ZNF181: variants seen among roughly 807,000 people sequenced by gnomAD.
The protein encoded by ZNF181 is zinc finger protein 181.
Under a neutral mutation model 11.9 loss-of-function variants are expected in ZNF181, and 8 were observed. The observed-to-expected ratio is 0.67, with a 90% confidence interval of 0.39 to 1.21. The LOEUF is 1.21. ZNF181 is among the 50% of genes most tolerant of loss of function. The probability of loss-of-function intolerance (pLI) is 0.01; values close to 1 mark genes in which losing one functional copy is unlikely to be tolerated. For missense variants in ZNF181, 542 were observed against 670.9 expected (o/e 0.81, Z 2.12); for synonymous variants, 202 against 221.1 (o/e 0.91, Z 0.77).
At position 34,740,774 on chromosome 19, in the gene ZNF181, T is replaced by C. The variant is rs147439895; in HGVS notation, c.393T>C (p.His131=). The stretch of plus-strand genomic sequence containing the variant: ...ATATAGAGAAGTTGGAAGGGAAGCA[T>C]GGAAGTCAGGTAGACCATTTCAGAC... The part of the protein sequence containing the change: ...LEYIEKLEGK[H]GSQVDHFRPA... Residue 131 remains histidine, a synonymous_variant, in exon 4 of 4, where the codon CAT becomes CAC. Coordinates refer to ENST00000492450, the MANE Select transcript of ZNF181 (RefSeq NM_001029997.4). The C allele has an allele frequency of 6.8e-6, 11 of 1,613,900 alleles. No individual in the cohort carries two copies. Among genetic ancestry groups the C allele is most frequent in the African/African-American group, 6.7e-5 (5 of 74,910 alleles).
chr19:34,739,328 G>A, intron 2 of ZNF181, 60 bp downstream of exon 2: 2 of 1,604,906 alleles, frequency 1.2e-6, no homozygotes, highest in Non-Finnish European at 8.5e-7. Context: ...ACCCTGAATT[G>A]CTGGAGACCC....
Position 34,741,095 on chromosome 19 carries a change from A to G in ZNF181, c.714A>G (p.Thr238=), listed in dbSNP as rs1367595105. 5 of 1,614,048 alleles carry G rather than the reference A, an allele frequency of 3.1e-6. No homozygotes were observed. The highest frequency in any genetic ancestry group is 4.2e-6 in the Non-Finnish European group (5 of 1,179,976). ...CTTGTAATAGAGAGAAAATCTATAC[A>G]TGCAGTGAATGTGGGAAAGCCTTTG... ...PQTCNREKIY[T]CSECGKAFGK... Residue 238 remains threonine, a synonymous_variant, in exon 4 of 4, where the codon ACA becomes ACG. Coordinates refer to ENST00000492450, the MANE Select transcript of ZNF181 (RefSeq NM_001029997.4).
Position 34,739,509 on chromosome 19 carries a change from A to G in ZNF181, c.131-14A>G, listed in dbSNP as rs745681686. 61 of 1,613,814 alleles carry G rather than the reference A, an allele frequency of 3.8e-5. No individual in the cohort carries two copies. In the East Asian group the frequency reaches 1.2e-3, roughly 31 times the overall value. On this transcript the variant is annotated splice_polypyrimidine_tract_variant and intron_variant, in intron 2 of 3. Transcript: ENST00000492450. ...AGGACCACGGCTTAAACAATTCTGT[A>G]TTCTTCCTGTAAGCAGGTCTTTCTG... is the stretch of plus-strand genomic sequence containing the variant.
intron 1 of ZNF181, among the ~76,000 whole-genome samples, chr19:34,735,611 C>G (rs1257883518): frequency 6.6e-6 from 1 of 152,148 alleles, no homozygotes; most frequent in Admixed American, 6.5e-5. Flanking sequence ...CAGCTGTGAC[C>G]GTGGTCCTAT....
At chr19:34,736,535 C>T (rs1016354969) in intron 1 of ZNF181, among the ~76,000 whole-genome samples, 1 of 152,176 alleles carries the variant, frequency 6.6e-6, no homozygotes, top group African/African-American at 2.4e-5. Flanking sequence ...ACACACAGGA[C>T]TTCATGATCT....
Position 34,739,146 on chromosome 19 carries a change from A to C in ZNF181, c.10-2A>C. The C allele has an allele frequency of 6.2e-7, 1 of 1,613,610 alleles. No individual in the cohort carries two copies. Among genetic ancestry groups the C allele is most frequent in the African/African-American group, 1.3e-5 (1 of 75,022 alleles). Reference sequence around the variant, plus strand: ...TGAGCCTAAATATGTTTGCTATTTCAGGTGACATTTAATGATGTGGCTATA... The same window carrying C: ...TGAGCCTAAATATGTTTGCTATTTCCGGTGACATTTAATGATGTGGCTATA... On this transcript the variant is annotated splice_acceptor_variant, in intron 1 of 3. Coordinates refer to ENST00000492450, the MANE Select transcript of ZNF181 (RefSeq NM_001029997.4). LOFTEE classifies it high-confidence loss of function.
chr19:34,739,478 T>A (rs766819106), intron 2 of ZNF181, 45 bp from the exon 3 acceptor site: 7 of 1,611,572 alleles, frequency 4.3e-6, no homozygotes, highest in Non-Finnish European at 5.1e-6. Context: ...TGGCCTCTCA[T>A]AATAGAGGAC....
rs2069005095 is a variant in ZNF181 at position 34,743,167 on chromosome 19, A to G, written c.*1070A>G. 1.3e-5 allele frequency: 2 copies of G among 152,346 alleles called. No individual in the cohort carries two copies. The highest frequency in any genetic ancestry group is 4.8e-5 in the African/African-American group (2 of 41,592). The allele number at this position is 152,346 out of a possible 1,614,324, so 9.4% of individuals were successfully genotyped here. On this transcript the variant is annotated 3_prime_UTR_variant, in exon 4 of 4. Transcript: ENST00000492450. ...TCAGTAGGAGGGCTTGTTAAAGCACAGATTGCTAAGTCTGAATCTTAGGGT... is the reference window on the plus strand; with the variant it reads ...TCAGTAGGAGGGCTTGTTAAAGCACGGATTGCTAAGTCTGAATCTTAGGGT...
At chr19:34,736,317 A>T in intron 1 of ZNF181, 1 of 626,858 alleles carries the variant, frequency 1.6e-6, no homozygotes, top group Non-Finnish European at 2.9e-6. Flanking sequence ...GCTATTCGGG[A>T]GGGTGATGAG....
rs145760964 is a variant in ZNF181, at chr19:34,735,714, A to G, written c.9+668A>G. Among the ~76,000 whole-genome samples, 1,431 of 152,298 alleles carry G rather than the reference A, an allele frequency of 9.4e-3. 7 individuals are homozygous for G. Among genetic ancestry groups the G allele is most frequent in the Non-Finnish European group, 0.016 (1,076 of 68,022 alleles). ...AATGACCTATTTGTACAATTAGGCC[A>G]TTACCTTTCTGATCCCACCTTCCTT... On this transcript the variant is annotated intron_variant, in intron 1 of 3. Transcript: ENST00000492450.
At chr19:34,740,273 T>G (rs2068949737) in intron 3 of ZNF181, among the ~76,000 whole-genome samples, 1 of 152,234 alleles carries the variant, frequency 6.6e-6, no homozygotes, top group African/African-American at 2.4e-5. Context: ...CAAAATGCAA[T>G]CTTTCATACA....
rs946874297 is a variant in ZNF181, at chr19:34,735,044, CAGGT to C, written c.9+3_9+6del. ...TGTTGGAAATTGCAGAGTAATGCCT[CAGGT>C]AGGTCGGTGTGTCCGCAAATCTTCC... On this transcript the variant is annotated splice_donor_variant and coding_sequence_variant, in exon 1 of 4. Transcript: ENST00000492450. LOFTEE classifies it high-confidence loss of function. 10 of 1,575,918 alleles carry C rather than the reference CAGGT, an allele frequency of 6.3e-6. No homozygotes were observed. Among genetic ancestry groups the C allele is most frequent in the Non-Finnish European group, 8.6e-6 (10 of 1,160,184 alleles).
At position 34,740,875 on chromosome 19, in the gene ZNF181, A is replaced by G; in HGVS notation, c.494A>G (p.His165Arg). The change falls in exon 4 of 4, where the codon CAT becomes CGT. Residue 165 changes from histidine to arginine, a missense_variant. Coordinates refer to ENST00000492450, the MANE Select transcript of ZNF181 (RefSeq NM_001029997.4). Reference sequence around the variant, plus strand: ...TACAATATATTTAGAAGCACCTTTCATTCAAAGTCTACTCTTTCTGAACCA... The same window carrying G: ...TACAATATATTTAGAAGCACCTTTCGTTCAAAGTCTACTCTTTCTGAACCA... ...YKYNIFRSTF[H>R]SKSTLSEPQK... 1 of 1,614,094 alleles carries G rather than the reference A, an allele frequency of 6.2e-7. No individual in the cohort carries two copies. The highest frequency in any genetic ancestry group is 1.1e-5 in the South Asian group (1 of 91,076).
rs2069012121 is a variant in ZNF181, at chr19:34,743,800, T to G, written c.*1703T>G. ...GAAAGCACTAATTTGCAGCAATATA[T>G]GTCTTGAAATAGTTAAGAGAGATTT... On this transcript the variant is annotated 3_prime_UTR_variant, in exon 4 of 4. Coordinates refer to ENST00000492450, the MANE Select transcript of ZNF181 (RefSeq NM_001029997.4). 1 of 152,222 alleles carries G rather than the reference T, an allele frequency of 6.6e-6. No homozygotes were observed. The highest frequency in any genetic ancestry group is 2.4e-5 in the African/African-American group (1 of 41,464). The allele number at this position is 152,222 out of a possible 1,614,324, so 9.4% of individuals were successfully genotyped here. A position where few individuals can be genotyped will look rare whatever the true frequency, so the allele number is the denominator to read the frequency against.
rs1356640471 is a variant in ZNF181, at chr19:34,745,136, A to G, written c.*3039A>G. The G allele has an allele frequency of 2.6e-5, 4 of 152,194 alleles. No individual in the cohort carries two copies. The highest frequency in any genetic ancestry group is 2.0e-4 in the Admixed American group (3 of 15,276). 9.4% of individuals were successfully genotyped at this position (152,194 alleles called of 1,614,324 possible). On this transcript the variant is annotated 3_prime_UTR_variant, in exon 4 of 4. Coordinates refer to ENST00000492450, the MANE Select transcript of ZNF181 (RefSeq NM_001029997.4). The stretch of plus-strand genomic sequence containing the variant: ...GTCACTGACATCATATTATTTCCTC[A>G]GTCATACCTATTAACCATTTCTTGA...
At chr19:34,736,761 G>A (rs1191954708) in intron 1 of ZNF181, among the ~76,000 whole-genome samples, 1 of 152,064 alleles carries the variant, frequency 6.6e-6, no homozygotes, top group Non-Finnish European at 1.5e-5. Flanking sequence ...ACTGTATTGA[G>A]GATTGCAGCA....
At position 34,744,024 on chromosome 19, in the gene ZNF181, T is replaced by C. The variant is rs1237195098; in HGVS notation, c.*1927T>C. ...CTGATGCAAGTGAAGGGGTGTGATATGGATTATGCTTCAGATTTTGTTCTT... is the reference window on the plus strand; with the variant it reads ...CTGATGCAAGTGAAGGGGTGTGATACGGATTATGCTTCAGATTTTGTTCTT... On this transcript the variant is annotated 3_prime_UTR_variant, in exon 4 of 4. Transcript: ENST00000492450. The C allele has an allele frequency of 6.6e-6, 1 of 152,240 alleles. No homozygotes were observed. The highest frequency in any genetic ancestry group is 1.5e-5 in the Non-Finnish European group (1 of 68,042). The allele number at this position is 152,240 out of a possible 1,614,324, so 9.4% of individuals were successfully genotyped here.
Position 34,745,365 on chromosome 19 carries a change from G to A in ZNF181, c.*3268G>A, listed in dbSNP as rs754999297. ...TCTCCATCTGTAAAATGATAATAAAGCTATCTCACAGCATTATTATGAAGA... is the reference window on the plus strand; with the variant it reads ...TCTCCATCTGTAAAATGATAATAAAACTATCTCACAGCATTATTATGAAGA... On this transcript the variant is annotated 3_prime_UTR_variant, in exon 4 of 4. Coordinates refer to ENST00000492450, the MANE Select transcript of ZNF181 (RefSeq NM_001029997.4). 2 of 152,256 alleles carry A rather than the reference G, an allele frequency of 1.3e-5. No homozygotes were observed. The highest frequency in any genetic ancestry group is 4.1e-4 in the South Asian group (2 of 4,828). The allele number at this position is 152,256 out of a possible 1,614,324, so 9.4% of individuals were successfully genotyped here. A position where few individuals can be genotyped will look rare whatever the true frequency, so the allele number is the denominator to read the frequency against.
chr19:34,740,742 T>C lies in ZNF181; in HGVS notation c.361T>C (p.Leu121=). The C allele has an allele frequency of 2.5e-6, 4 of 1,613,388 alleles. No individual in the cohort carries two copies. The highest frequency in any genetic ancestry group is 3.4e-6 in the Non-Finnish European group (4 of 1,179,768). The change falls in exon 4 of 4, where the codon TTG becomes CTG. Residue 121 remains leucine (L), a synonymous_variant. Coordinates refer to ENST00000492450, the MANE Select transcript of ZNF181 (RefSeq NM_001029997.4). ...TGAATTTTCAAATTCTAAGAAGAAT[T>C]TGGAATATATAGAGAAGTTGGAAGG... ...SYEFSNSKKN[L]EYIEKLEGKH... is the part of the protein sequence containing the mutation.
Sources: allele counts gnomAD v4.1 joint callset (sites outside exome capture counted in the v4.1 genomes callset), GRCh38; gene constraint gnomAD v4.1.1; transcripts MANE v1.5; gene names NCBI Gene and HGNC (gene_info 2026-07-23, HGNC 2026-07-21).